The following PLXNA2 variants were observed in gnomAD, a reference collection of about 807,000 sequenced individuals.
PLXNA2 encodes the protein plexin-A2.
Under a neutral mutation model 193.5 loss-of-function variants are expected in PLXNA2, and 91 were observed. The observed-to-expected ratio is 0.47, with a 90% CI of 0.40 to 0.56. PLXNA2 has a LOEUF of 0.56. PLXNA2 is among the 20% of genes least tolerant of loss of function. PLXNA2 has a pLI of 0.00. For missense variants in PLXNA2, 1,995 were observed against 2,503.2 expected (o/e 0.80, Z 4.33); for synonymous variants, 997 against 1,027.3 (o/e 0.97, Z 0.56).
chr1:208,100,448 C>A (rs1033523522), intron 5 of PLXNA2, among the ~76,000 whole-genome samples: 1 of 151,970 alleles, frequency 6.6e-6, no homozygotes, highest in African/African-American at 2.4e-5. Flanking sequence ...AATGGCCTGG[C>A]GCATAGTAGG....
chr1:208,179,905 T>C (rs1051120359), intron 3 of PLXNA2, among the ~76,000 whole-genome samples: 6 of 152,082 alleles, frequency 3.9e-5, no homozygotes, highest in African/African-American at 1.2e-4. Context: ...TCTTTCTTAC[T>C]CTTCTTTGAG....
At chr1:208,232,611 C>T (rs867863976) in intron 1 of PLXNA2, among the ~76,000 whole-genome samples, 6 of 152,214 alleles carry the variant, frequency 3.9e-5, no homozygotes, top group Admixed American at 6.5e-5. Flanking sequence ...CTGCTTCCGT[C>T]CCGTTTATGA....
chr1:208,168,439 C>T (rs1347526265), intron 3 of PLXNA2, among the ~76,000 whole-genome samples: 2 of 152,162 alleles, frequency 1.3e-5, no homozygotes, highest in African/African-American at 2.4e-5. Context: ...GTGACCAACA[C>T]ATAGGAGGTG....
chr1:208,052,304 G>A (rs745604002), intron 15 of PLXNA2, 23 bp downstream of exon 15: 37 of 1,610,064 alleles, frequency 2.3e-5, no homozygotes, highest in Non-Finnish European at 3.1e-5. Flanking sequence ...CAGTCTTCTG[G>A]TGGCCCTTCA....
Position 208,031,622 on chromosome 1 carries a change from G to A in PLXNA2, c.5193C>T (p.Asp1731=), listed in dbSNP as rs1272251999. The A allele has an allele frequency of 6.2e-7, 1 of 1,613,984 alleles. No homozygotes were observed. The highest frequency in any genetic ancestry group is 2.2e-5 in the East Asian group (1 of 44,874). The change falls in exon 29 of 32, where the codon GAC becomes GAT. Residue 1731 remains aspartate, a synonymous_variant. Transcript: ENST00000367033. The part of the protein sequence containing the change: ...DEQADRHSIH[D]TDVRHTWKSN... Reference sequence around the variant, plus strand: ...TTTTCCAGGTGTGCCGCACATCTGTGTCATGGATGCTGTGCCTGTCTGCCT... The same window carrying A: ...TTTTCCAGGTGTGCCGCACATCTGTATCATGGATGCTGTGCCTGTCTGCCT...
chr1:208,118,529 G>T (rs12136143), intron 4 of PLXNA2, among the ~76,000 whole-genome samples: 1 of 152,188 alleles, frequency 6.6e-6, no homozygotes, highest in African/African-American at 2.4e-5. Flanking sequence ...CCCCCACCCC[G>T]GGGTCTTGTC....
intron 1 of PLXNA2, among the ~76,000 whole-genome samples, chr1:208,234,613 C>T (rs1161485692): frequency 3.3e-5 from 5 of 152,192 alleles, no homozygotes; most frequent in Admixed American, 6.5e-5. Flanking sequence ...TGAGCCCCAG[C>T]GTCCAGCTTG....
At chr1:208,068,351 C>T (rs571963983) in intron 12 of PLXNA2, among the ~76,000 whole-genome samples, 39 of 152,278 alleles carry the variant, frequency 2.6e-4, no homozygotes, top group African/African-American at 8.4e-4. Context: ...AACAGCTCTT[C>T]CTGCAATCTC....
At chr1:208,034,125 T>C (rs1442949125) in intron 27 of PLXNA2, among the ~76,000 whole-genome samples, 2 of 152,244 alleles carry the variant, frequency 1.3e-5, no homozygotes, top group Non-Finnish European at 2.9e-5. Context: ...ACTGGGACAC[T>C]TCTGAGAGTA....
intron 3 of PLXNA2, among the ~76,000 whole-genome samples, chr1:208,163,239 T>G (rs188215121): frequency 6.6e-6 from 1 of 152,106 alleles, no homozygotes; most frequent in African/African-American, 2.4e-5. Flanking sequence ...GCCAAGACCT[T>G]GCTCAAGAGA....
At chr1:208,051,533 T>C (rs932879408) in intron 15 of PLXNA2, 110 bp from the exon 16 acceptor site, 1 of 761,072 alleles carries the variant, frequency 1.3e-6, no homozygotes, top group Admixed American at 3.0e-5. Context: ...ACAGAAGTGT[T>C]CTCTCATCCT....
At chr1:208,153,574 AG>A (rs1668836323) in intron 3 of PLXNA2, among the ~76,000 whole-genome samples, 1 of 152,152 alleles carries the variant, frequency 6.6e-6, no homozygotes, top group Admixed American at 6.5e-5. Context: ...AGCTCTTAGG[AG>A]GAAAGTAGTA....
Position 208,096,047 on chromosome 1 carries a change from T to C in PLXNA2, c.1964A>G (p.Asn655Ser), listed in dbSNP as rs1201610298. 6 of 1,613,844 alleles carry C rather than the reference T, an allele frequency of 3.7e-6. No homozygotes were observed. The highest frequency in any genetic ancestry group is 5.1e-6 in the Non-Finnish European group (6 of 1,179,742). ...IFVSTEFKFY[N>S]CSAHQLCLSC... ...CACTTACAGTTGGTGGGCACTGCAG[T>C]TGTAAAACTTGAACTCGGTGCTGAC... The change falls in exon 8 of 32, where the codon AAC becomes AGC. Residue 655 changes from asparagine to serine, a missense_variant. By Grantham distance (46) the Asn-to-Ser change is conservative (BLOSUM62 1). Transcript: ENST00000367033.
rs1207722384 is a variant in PLXNA2 at position 208,152,821 on chromosome 1, TCCC to T, written c.1372-10361_1372-10359del. On this transcript the variant is annotated intron_variant, in intron 3 of 31. Transcript: ENST00000367033. Reference sequence around the variant, plus strand: ...GCCTTCTCACCATTTTCCAATTGCATCCCCAGCTTTTTCGTCTTCACGCCTTTG... The same window carrying T: ...GCCTTCTCACCATTTTCCAATTGCATCAGCTTTTTCGTCTTCACGCCTTTG... 1.2e-3 allele frequency among the ~76,000 whole-genome samples: 176 copies of T among 143,746 alleles called. 1 individual carries two copies. The highest frequency in any genetic ancestry group is 4.6e-3 in the African/African-American group (171 of 37,214). 94.3% of individuals were successfully genotyped at this position (143,746 alleles called of 152,430 possible). A position where few individuals can be genotyped will look rare whatever the true frequency, so the allele number is the denominator to read the frequency against.
At chr1:208,202,530 G>T (rs1474926261) in intron 3 of PLXNA2, among the ~76,000 whole-genome samples, 1 of 152,092 alleles carries the variant, frequency 6.6e-6, no homozygotes, top group Non-Finnish European at 1.5e-5. Context: ...TATGCAAATT[G>T]GTCCCTACCC....
Position 208,044,786 on chromosome 1 carries a change from G to T in PLXNA2, c.3640-44C>A, listed in dbSNP as rs1482404414. 2 of 1,470,384 alleles carry T rather than the reference G, an allele frequency of 1.4e-6. No individual in the cohort carries two copies. Among genetic ancestry groups the T allele is most frequent in the Non-Finnish European group, 9.4e-7 (1 of 1,060,738 alleles). The allele number at this position is 1,470,384 out of a possible 1,614,324, so 91.1% of individuals were successfully genotyped here. A position where few individuals can be genotyped will look rare whatever the true frequency, so the allele number is the denominator to read the frequency against. On this transcript the variant is annotated intron_variant, in intron 19 of 31. Transcript: ENST00000367033. This position sits in a 1 kb window ranked among gnomAD's most constrained non-coding sequence, Gnocchi z 4.9. ...CAGACGCACATGGATGCACACAGGTGTAGAGCCCGGGCATGCCAGCAGATC... is the reference window on the plus strand; with the variant it reads ...CAGACGCACATGGATGCACACAGGTTTAGAGCCCGGGCATGCCAGCAGATC...
chr1:208,133,756 C>CA, intron 4 of PLXNA2, among the ~76,000 whole-genome samples: 1 of 152,312 alleles, frequency 6.6e-6, no homozygotes, highest in South Asian at 2.1e-4. Context: ...AAACTGTTGT[C>CA]AAGTTGGGAA....
At chr1:208,202,800 C>T (rs187107001) in intron 3 of PLXNA2, among the ~76,000 whole-genome samples, 1 of 152,316 alleles carries the variant, frequency 6.6e-6, no homozygotes, top group African/African-American at 2.4e-5. Context: ...TGTGTTTCAC[C>T]TGCTTGGCAA....
intron 1 of PLXNA2, among the ~76,000 whole-genome samples, chr1:208,218,251 T>A (rs111360754): frequency 6.6e-6 from 1 of 152,210 alleles, no homozygotes; most frequent in Non-Finnish European, 1.5e-5. Context: ...ACAAAGCATC[T>A]CTATTTCTGG....
Sources: gnomAD v4.1 joint callset for allele counts (sites outside exome capture counted in the v4.1 genomes callset) on GRCh38, gnomAD v4.1.1 for gene constraint, Gnocchi (gnomAD v3.1) non-coding constraint, MANE v1.5 for transcripts, NCBI Gene and HGNC (gene_info 2026-07-23, HGNC 2026-07-21) for gene names.